ABCC8: variants seen among roughly 807,000 people sequenced by gnomAD.
The protein encoded by ABCC8 is ATP binding cassette subfamily C member 8, also known as ATP-binding cassette sub-family C member 8.
A neutral mutation model predicts 188.0 loss-of-function variants in ABCC8; 137 were observed. The ratio of observed to expected loss-of-function variants is 0.73; its 90% CI spans 0.63 to 0.84. The LOEUF (loss-of-function observed/expected upper bound fraction) is 0.84. Ranked by LOEUF, ABCC8 falls within the 40% of genes least tolerant of loss-of-function variation. The pLI is 0.00. For missense variants in ABCC8, 1,750 were observed against 2,072.7 expected, an observed-to-expected ratio of 0.84 and a Z score of 3.02; for synonymous variants, 797 against 846.5, an observed-to-expected ratio of 0.94 and a Z score of 1.01.
intron 28 of ABCC8, among the ~76,000 whole-genome samples, chr11:17,403,020 C>T (rs568097109): frequency 2.4e-4 from 37 of 152,342 alleles, no homozygotes; most frequent in African/African-American, 8.7e-4. Flanking sequence ...AACCCCAGGT[C>T]GCCATCTGTC....
At chr11:17,393,215 T>C in intron 38 of ABCC8, 87 bp from the exon 39 acceptor site, 7 of 1,558,498 alleles carry the variant, frequency 4.5e-6, no homozygotes, top group Admixed American at 1.8e-5. Flanking sequence ...TCCTGCGGCT[T>C]GGAGGAGGAG....
intron 33 of ABCC8, chr11:17,396,174 G>A (rs1174078630): frequency 3.3e-6 from 3 of 913,294 alleles, no homozygotes; most frequent in South Asian, 1.7e-5. Context: ...CTGGGCCTTG[G>A]TGTGGGTCTG....
At position 17,415,331 on chromosome 11, in the gene ABCC8, C is replaced by T. The variant is rs528364662; in HGVS notation, c.2264G>A (p.Arg755Gln). The stretch of plus-strand genomic sequence containing the variant: ...GATATCCAAGTCGGTCGCTGTCTCC[C>T]GCTCTGGGCTGCAGCAGGGGAGGAA... Reference protein sequence around the residue: ...SEIGEDPSPERETATDLDIRK... With the variant: ...SEIGEDPSPEQETATDLDIRK... Residue 755 changes from arginine (R) to glutamine (Q), a missense_variant, in exon 18 of 39, where the codon CGG becomes CAG. Physicochemically the swap from Arg to Gln is conservative, Grantham distance 43. Coordinates refer to ENST00000389817, the MANE Select transcript of ABCC8 (RefSeq NM_000352.6). 52 of 1,610,632 alleles carry T rather than the reference C, an allele frequency of 3.2e-5. No individual in the cohort carries two copies. The South Asian group carries it at 3.6e-4, about 11-fold the overall frequency.
chr11:17,418,354 T>G (rs779036354), intron 16 of ABCC8, among the ~76,000 whole-genome samples: 2 of 152,158 alleles, frequency 1.3e-5, no homozygotes, highest in Non-Finnish European at 2.9e-5. Flanking sequence ...ATCCCCCTCC[T>G]GCTGAGGGTC....
chr11:17,405,646 T>A, intron 26 of ABCC8, 83 bp from the exon 27 acceptor site: 1 of 1,607,382 alleles, frequency 6.2e-7, no homozygotes, highest in East Asian at 2.2e-5. Context: ...AATTATTTCA[T>A]GTAAGTGTCT....
chr11:17,438,591 TGTCCTCAGATACAGAGGAACCACCTAGA>T (rs1247040028), intron 10 of ABCC8, among the ~76,000 whole-genome samples: 4 of 152,166 alleles, frequency 2.6e-5, no homozygotes, highest in Non-Finnish European at 5.9e-5. Flanking sequence ...CTACAAAGCT[TGTCCTCAGATACAGAGGAACCACCTAGA>T]GTTATGCTGC....
Position 17,397,188 on chromosome 11 carries a change from C to G in ABCC8, c.3988+5G>C. Reference sequence around the variant, plus strand: ...CTTCCCCACCCCTCTCCCTGAGCCTCTCACCCAGGAGCCCCTCGTAGCTCT... The same window carrying G: ...CTTCCCCACCCCTCTCCCTGAGCCTGTCACCCAGGAGCCCCTCGTAGCTCT... On this transcript the variant is annotated splice_donor_5th_base_variant and intron_variant, in intron 32 of 38. Transcript: ENST00000389817. 2.5e-6 allele frequency: 4 copies of G among 1,613,686 alleles called. No individual in the cohort carries two copies. The highest frequency in any genetic ancestry group is 3.4e-6 in the Non-Finnish European group (4 of 1,179,998).
At position 17,430,938 on chromosome 11, in the gene ABCC8, A is replaced by C; in HGVS notation, c.1693T>G (p.Phe565Val). 6.2e-7 allele frequency: 1 copy of C among 1,614,224 alleles called. No homozygotes were observed. The highest frequency in any genetic ancestry group is 8.5e-7 in the Non-Finnish European group (1 of 1,180,032). The change falls in exon 12 of 39, where the codon TTC (phenylalanine) becomes GTC (valine). Residue 565 changes from phenylalanine to valine, a missense_variant. By Grantham distance (50) the Phe-to-Val change is conservative. Transcript: ENST00000389817. ...VLITFVGHVS[F>V]FKEADFSPSV... ...GGCGAGAAGTCGGCCTCTTTGAAGA[A>C]GCTGACGTGGCCCACGAAAGTCTGT...
chr11:17,393,150 G>A (rs781726193), intron 38 of ABCC8, 22 bp from the exon 39 acceptor site: 98 of 1,612,846 alleles, frequency 6.1e-5, no homozygotes, highest in Admixed American at 1.2e-4. Context: ...AGGAGGGGGC[G>A]GGTCAGGATG....
At chr11:17,396,326 C>T (rs1694180297) in intron 33 of ABCC8, 4 of 362,868 alleles carry the variant, frequency 1.1e-5, no homozygotes, top group Non-Finnish European at 2.1e-5. Context: ...ATGGAGCCAC[C>T]TCTGATCCCG....
chr11:17,392,529 T>G (rs1953687426), downstream of ABCC8: 1 of 270,250 alleles, frequency 3.7e-6, no homozygotes, highest in Non-Finnish European at 7.2e-6. Context: ...ACTGGTGTCC[T>G]TTTAAGACAC....
At chr11:17,472,605 C>T (rs1320381284) in intron 2 of ABCC8, among the ~76,000 whole-genome samples, 1 of 152,160 alleles carries the variant, frequency 6.6e-6, no homozygotes, top group Non-Finnish European at 1.5e-5. Flanking sequence ...TTTCCTGCCC[C>T]TCACTCAGGC....
At chr11:17,446,537 T>C (rs1409874935) in intron 8 of ABCC8, among the ~76,000 whole-genome samples, 1 of 152,182 alleles carries the variant, frequency 6.6e-6, no homozygotes, top group Non-Finnish European at 1.5e-5. Flanking sequence ...CCTCAGCCTT[T>C]TGAGTGGCTG....
At chr11:17,402,039 G>A (rs1378682777) in intron 29 of ABCC8, among the ~76,000 whole-genome samples, 1 of 152,224 alleles carries the variant, frequency 6.6e-6, no homozygotes, top group Non-Finnish European at 1.5e-5. Flanking sequence ...CAAAGTCTGG[G>A]CTGTAAACGC....
chr11:17,450,254 TTC>T (rs1564958628), intron 7 of ABCC8, among the ~76,000 whole-genome samples: 8 of 62,906 alleles, frequency 1.3e-4, no homozygotes, highest in African/African-American at 5.4e-4. Flanking sequence ...TTTTCTTTCT[TTC>T]TTTCTCTTTC....
chr11:17,420,747 G>A (rs1044702218), intron 16 of ABCC8, among the ~76,000 whole-genome samples: 1 of 152,166 alleles, frequency 6.6e-6, no homozygotes, highest in African/African-American at 2.4e-5. Flanking sequence ...CCTGGTTCCT[G>A]CTGACCCCCC....
chr11:17,427,209 A>G lies in ABCC8; in HGVS notation c.2117-55T>C. ...TGGGGCCGGGGGAGTCTGAACAACCATTACCCAGAAAGACAGACAGACAGA... is the reference window on the plus strand; with the variant it reads ...TGGGGCCGGGGGAGTCTGAACAACCGTTACCCAGAAAGACAGACAGACAGA... On this transcript the variant is annotated intron_variant, in intron 15 of 38. Transcript: ENST00000389817. This position sits in a 1 kb window ranked among gnomAD's most constrained non-coding sequence, Gnocchi z 5.0. 4.6e-6 allele frequency: 7 copies of G among 1,534,236 alleles called. No homozygotes were observed. Among genetic ancestry groups the G allele is most frequent in the Non-Finnish European group, 6.1e-6 (7 of 1,138,356 alleles).
rs10466384 is a variant in ABCC8, at chr11:17,435,946, C to T, written c.1631-3702G>A. Reference sequence around the variant, plus strand: ...CATGCCAAAAAGAGAGACCCCTGCACTCAAAGCAATACCAGTGCCACGGTG... The same window carrying T: ...CATGCCAAAAAGAGAGACCCCTGCATTCAAAGCAATACCAGTGCCACGGTG... On this transcript the variant is annotated intron_variant, in intron 10 of 38. Coordinates refer to ENST00000389817, the MANE Select transcript of ABCC8 (RefSeq NM_000352.6). 7,576 of 1,574,350 alleles carry T rather than the reference C, an allele frequency of 4.8e-3. 316 individuals are homozygous for T. The African/African-American group carries it at 0.091, about 19-fold the overall frequency.
At chr11:17,392,826 G>A, downstream of ABCC8, 2 of 780,330 alleles carry the variant, frequency 2.6e-6, no homozygotes, top group Admixed American at 4.1e-5. Flanking sequence ...GAGCCAGGCT[G>A]GTTCTACTGA....
Sources: gnomAD v4.1 joint callset for allele counts (sites outside exome capture counted in the v4.1 genomes callset) on GRCh38, gnomAD v4.1.1 for gene constraint, Gnocchi (gnomAD v3.1) non-coding constraint, MANE v1.5 for transcripts, NCBI Gene and HGNC (gene_info 2026-07-23, HGNC 2026-07-21) for gene names.